The following SRCIN1 variants were observed in gnomAD, a reference collection of about 807,000 sequenced individuals.
SRCIN1 encodes the protein P130Cas-associated protein.
SRCIN1 carries 50 observed loss-of-function variants against 116.2 expected under a neutral mutation model. That is an observed-to-expected ratio of 0.43 (90% CI 0.34 to 0.54). The LOEUF is 0.54. Ranked by LOEUF, SRCIN1 falls within the 20% of genes least tolerant of loss-of-function variation. The probability of loss-of-function intolerance (pLI) is 0.02; values close to 1 mark genes in which losing one functional copy is unlikely to be tolerated. For missense variants in SRCIN1, 1,446 were observed against 1,672.0 expected (o/e 0.86, Z 2.36); for synonymous variants, 736 against 750.0 (o/e 0.98, Z 0.30).
At chr17:38,590,654 G>A (rs1043288637) in intron 1 of SRCIN1, among the ~76,000 whole-genome samples, 1 of 152,236 alleles carries the variant, frequency 6.6e-6, no homozygotes, top group Admixed American at 6.5e-5. Flanking sequence ...TATTTTACAG[G>A]TGAAGAAACT....
rs3803749 is a variant in SRCIN1 at position 38,552,188 on chromosome 17, C to T, written c.2481-56G>A. 1.5e-4 allele frequency: 229 copies of T among 1,565,624 alleles called. 2 individuals carry two copies. The East Asian group carries it at 5.1e-3, about 35-fold the overall frequency. On this transcript the variant is annotated intron_variant, in intron 13 of 18. Coordinates refer to ENST00000617146, the MANE Select transcript of SRCIN1 (RefSeq NM_025248.3). This position sits in a 1 kb window ranked among gnomAD's most constrained non-coding sequence, Gnocchi z 5.3. The stretch of plus-strand genomic sequence containing the variant: ...AGGCCAGCAGGTGGTGACCCTTCTG[C>T]AGGAAGGCTGCTCTGAGGGAGGTGG...
At chr17:38,571,896 TCTC>T (rs1370590406) in intron 2 of SRCIN1, among the ~76,000 whole-genome samples, 1 of 152,078 alleles carries the variant, frequency 6.6e-6, no homozygotes, top group Admixed American at 6.5e-5. Flanking sequence ...TCCCTTCCTC[TCTC>T]CTCCATCCTA....
At position 38,558,515 on chromosome 17, in the gene SRCIN1, G is replaced by A; in HGVS notation, c.2026-113C>T. On this transcript the variant is annotated intron_variant, in intron 10 of 18. Coordinates refer to ENST00000617146, the MANE Select transcript of SRCIN1 (RefSeq NM_025248.3). The surrounding 1 kb of genome is among the most constrained non-coding windows in gnomAD (Gnocchi z 4.6). ...GCCCAATCCAGGGCGGGGCTCTGCAGAAGAAGCGGCTGCTTGGCTCCGCCT... is the reference window on the plus strand; with the variant it reads ...GCCCAATCCAGGGCGGGGCTCTGCAAAAGAAGCGGCTGCTTGGCTCCGCCT... 7.8e-7 allele frequency: 1 copy of A among 1,280,332 alleles called. No individual in the cohort carries two copies. The highest frequency in any genetic ancestry group is 1.0e-6 in the Non-Finnish European group (1 of 956,704). 79.3% of individuals were successfully genotyped at this position (1,280,332 alleles called of 1,614,324 possible).
At chr17:38,550,899 C>A (rs1246959511) in intron 15 of SRCIN1, among the ~76,000 whole-genome samples, 1 of 152,276 alleles carries the variant, frequency 6.6e-6, no homozygotes, top group East Asian at 1.9e-4. Flanking sequence ...ATGACTCTGC[C>A]TGGACTTGCT....
chr17:38,578,706 G>GCCGCCC lies in SRCIN1; in HGVS notation c.102_107dup (p.Gly37_Gly38dup). The stretch of plus-strand genomic sequence containing the variant: ...AGAAGCGCCGGCCCCCGCTGCCCCC[G>GCCGCCC]CCGCCCCCGCCCCCCAGGGTCCGGT... On this transcript the variant is annotated inframe_insertion, in exon 2 of 19. Coordinates refer to ENST00000617146, the MANE Select transcript of SRCIN1 (RefSeq NM_025248.3). 2.1e-6 allele frequency: 2 copies of GCCGCCC among 955,854 alleles called. No homozygotes were observed. 59.2% of individuals were successfully genotyped at this position (955,854 alleles called of 1,614,324 possible).
intron 7 of SRCIN1, 141 bp downstream of exon 7, chr17:38,561,322 G>T: frequency 4.0e-6 from 4 of 1,010,018 alleles, no homozygotes; most frequent in East Asian, 6.5e-5. Flanking sequence ...GCTCTCTGGC[G>T]ACCCTTCAAG....
chr17:38,602,991 C>G lies in SRCIN1; in HGVS notation c.22+2693G>C, dbSNP rs1345925161. On this transcript the variant is annotated intron_variant, in intron 1 of 18. Transcript: ENST00000617146. This position sits in a 1 kb window ranked among gnomAD's most constrained non-coding sequence, Gnocchi z 4.2. ...GGTACTTCAAAGAGCCCAGCCGCCT[C>G]CCTCCTAAGCACTTCCAGGGCTGGG... is the stretch of plus-strand genomic sequence containing the variant. Among the ~76,000 whole-genome samples the G allele has an allele frequency of 5.9e-5, 9 of 151,810 alleles. No homozygotes were observed.
At chr17:38,547,667 C>A (rs955320762) in intron 17 of SRCIN1, 1 of 256,220 alleles carries the variant, frequency 3.9e-6, no homozygotes, top group Non-Finnish European at 7.9e-6. Flanking sequence ...TGGTGACTGG[C>A]GTTTTAGCGG....
chr17:38,595,191 C>A (rs560514960), intron 1 of SRCIN1, among the ~76,000 whole-genome samples: 15 of 152,248 alleles, frequency 9.9e-5, no homozygotes, highest in African/African-American at 3.4e-4. Context: ...CAGTGCCTGG[C>A]ACAGAGAAAG....
At chr17:38,601,724 T>G (rs965690793) in intron 1 of SRCIN1, among the ~76,000 whole-genome samples, 1 of 152,092 alleles carries the variant, frequency 6.6e-6, no homozygotes, top group African/African-American at 2.4e-5. Flanking sequence ...CTGACAATTA[T>G]GGCACCTGAC....
intron 18 of SRCIN1, among the ~76,000 whole-genome samples, chr17:38,536,758 G>A (rs545366031): frequency 6.6e-6 from 1 of 152,320 alleles, no homozygotes; most frequent in East Asian, 1.9e-4. Context: ...TGGGGGATGT[G>A]GGGATCATGA....
chr17:38,540,968 G>A (rs535268741), intron 18 of SRCIN1, among the ~76,000 whole-genome samples: 170 of 152,198 alleles, frequency 1.1e-3, no homozygotes, highest in South Asian at 4.4e-3. Flanking sequence ...GGCTGGTGGC[G>A]GTGGCTCACA....
At chr17:38,553,127 G>A (rs1905554756) in intron 11 of SRCIN1, among the ~76,000 whole-genome samples, 1 of 152,088 alleles carries the variant, frequency 6.6e-6, no homozygotes, top group Non-Finnish European at 1.5e-5. Flanking sequence ...GTAGTGGCAG[G>A]TGCCTGTAGT....
intron 4 of SRCIN1, 104 bp downstream of exon 4, chr17:38,564,014 C>G (rs1906482851): frequency 1.5e-6 from 2 of 1,326,874 alleles, no homozygotes; most frequent in Non-Finnish European, 2.1e-6. Flanking sequence ...GAGAGCAGAG[C>G]TTGAGGCGAG....
In SRCIN1 at chr17:38,543,825, G is replaced by A; in HGVS notation, c.3415C>T (p.Gln1139Ter). The change falls in exon 18 of 19, where the codon CAG (glutamine) becomes TAG (stop). Residue 1139 changes from glutamine to a stop codon, truncating the protein, a stop_gained and splice_region_variant. Transcript: ENST00000617146. LOFTEE classifies it high-confidence loss of function. Reference sequence around the variant, plus strand: ...GCCCCCACAGTCCCCGCCCTCACCTGCTGCTGGGCCTGGATCCGCATGTAC... The same window carrying A: ...GCCCCCACAGTCCCCGCCCTCACCTACTGCTGGGCCTGGATCCGCATGTAC... ...AEYMRIQAQQ[Q>*]ATKPSKEMSG... 6.2e-7 allele frequency: 1 copy of A among 1,605,568 alleles called. No individual in the cohort carries two copies. Among genetic ancestry groups the A allele is most frequent in the Non-Finnish European group, 8.5e-7 (1 of 1,179,478 alleles).
chr17:38,563,984 G>T lies in SRCIN1; in HGVS notation c.541+134C>A, dbSNP rs193142037. 6.1e-4 allele frequency: 624 copies of T among 1,027,746 alleles called. No homozygotes were observed. In the African/African-American group the frequency reaches 8.6e-3, roughly 14 times the overall value. 63.7% of individuals were successfully genotyped at this position (1,027,746 alleles called of 1,614,324 possible). On this transcript the variant is annotated intron_variant, in intron 4 of 18. Transcript: ENST00000617146. The surrounding 1 kb of genome is among the most constrained non-coding windows in gnomAD (Gnocchi z 5.8). Reference sequence around the variant, plus strand: ...GATGGAGAGAGCTGGGGTTGCTTGGGGAGAAGGGGCTGTGGGAAAGAGAGC... The same window carrying T: ...GATGGAGAGAGCTGGGGTTGCTTGGTGAGAAGGGGCTGTGGGAAAGAGAGC...
chr17:38,577,670 C>T (rs75575059), intron 2 of SRCIN1, among the ~76,000 whole-genome samples: 3,642 of 152,270 alleles, frequency 0.024, 163 homozygotes, highest in African/African-American at 0.082. Context: ...ACCATGCAAG[C>T]GCCTCACCAA....
At chr17:38,569,042 T>C (rs999001669) in intron 2 of SRCIN1, among the ~76,000 whole-genome samples, 7 of 151,962 alleles carry the variant, frequency 4.6e-5, no homozygotes, top group Admixed American at 2.0e-4. Context: ...CCTCACTCAC[T>C]GGGCAATCAA....
intron 1 of SRCIN1, among the ~76,000 whole-genome samples, chr17:38,588,989 C>T (rs576088779): frequency 7.9e-5 from 12 of 152,332 alleles, no homozygotes; most frequent in Admixed American, 4.6e-4. Context: ...AGGATTCCTC[C>T]GGGTTCCCAG....
Sources: allele counts gnomAD v4.1 joint callset (sites outside exome capture counted in the v4.1 genomes callset), GRCh38; gene constraint gnomAD v4.1.1; non-coding constraint Gnocchi (gnomAD v3.1); transcripts MANE v1.5; gene names NCBI Gene and HGNC (gene_info 2026-07-23, HGNC 2026-07-21).